The following DCC variants were observed in gnomAD, a reference collection of about 807,000 sequenced individuals.
DCC encodes the protein DCC netrin 1 receptor.
In DCC, 58 loss-of-function variants were observed where a neutral mutation model predicts 172.5. That is an observed-to-expected ratio of 0.34 (90% CI 0.27 to 0.42). The LOEUF (loss-of-function observed/expected upper bound fraction) is 0.42. Among genes scored for constraint, DCC ranks in the 10% least tolerant of loss-of-function variants. The pLI, the probability that DCC is intolerant of heterozygous loss-of-function variation, is 1.00. For missense variants in DCC, 1,740 were observed against 1,791.0 expected (o/e 0.97, Z 0.51); for synonymous variants, 709 against 644.5 (o/e 1.10, Z -1.52).
At chr18:53,028,471 G>A (rs1032963288) in intron 5 of DCC, among the ~76,000 whole-genome samples, 16 of 151,912 alleles carry the variant, frequency 1.1e-4, no homozygotes, top group East Asian at 3.9e-4. Flanking sequence ...AATTACATAC[G>A]CATAATATTC....
intron 1 of DCC, among the ~76,000 whole-genome samples, chr18:52,379,822 C>T (rs933953095): frequency 2.0e-4 from 30 of 152,204 alleles, no homozygotes; most frequent in African/African-American, 6.3e-4. Context: ...TGTCTCTTAC[C>T]CTTGACTTGA....
rs139533308 is a variant in DCC, at chr18:52,835,660, TCA to T, written c.413-70383_413-70382del. On this transcript the variant is annotated intron_variant, in intron 2 of 28. Transcript: ENST00000442544. ...AGAGTAAATTCACTTAAAATAACTC[TCA>T]GTTTGTATAGAGATATCTATATATC... Among the ~76,000 whole-genome samples, 556 of 152,338 alleles carry T rather than the reference TCA, an allele frequency of 3.6e-3. 1 individual carries two copies. Among genetic ancestry groups the T allele is most frequent in the African/African-American group, 0.012 (508 of 41,582 alleles).
At chr18:53,165,178 G>C (rs1449380281) in intron 8 of DCC, among the ~76,000 whole-genome samples, 1 of 152,076 alleles carries the variant, frequency 6.6e-6, no homozygotes, top group Non-Finnish European at 1.5e-5. Context: ...AGCAGAGAAG[G>C]CTCCAAGATA....
At chr18:53,399,510 C>T (rs1373560579) in intron 18 of DCC, among the ~76,000 whole-genome samples, 1 of 152,014 alleles carries the variant, frequency 6.6e-6, no homozygotes, top group Non-Finnish European at 1.5e-5. Context: ...AACAAATGCC[C>T]AATACAATTC....
At chr18:52,866,479 G>T (rs2039231082) in intron 2 of DCC, among the ~76,000 whole-genome samples, 1 of 152,144 alleles carries the variant, frequency 6.6e-6, no homozygotes, top group African/African-American at 2.4e-5. Flanking sequence ...ATTACTTTGG[G>T]CAGTATGGCC....
intron 22 of DCC, among the ~76,000 whole-genome samples, chr18:53,436,109 C>T (rs1911922277): frequency 6.6e-6 from 1 of 152,172 alleles, no homozygotes; most frequent in African/African-American, 2.4e-5. Context: ...CTTCTTAACA[C>T]TGTTCCTCAC....
chr18:52,960,887 T>C (rs767620570), intron 5 of DCC, among the ~76,000 whole-genome samples: 5 of 152,142 alleles, frequency 3.3e-5, no homozygotes, highest in Non-Finnish European at 5.9e-5. Context: ...AGTGATATTA[T>C]TTTATATTTA....
intron 9 of DCC, among the ~76,000 whole-genome samples, chr18:53,180,491 T>G (rs922365992): frequency 7.9e-5 from 12 of 152,232 alleles, no homozygotes; most frequent in Middle Eastern, 3.4e-3. Flanking sequence ...ATTAAGATTA[T>G]GGGATGGCTA....
intron 1 of DCC, among the ~76,000 whole-genome samples, chr18:52,614,559 A>G (rs1221889): frequency 0.87 from 132,408 of 152,156 alleles, 58,461 homozygotes; most frequent in Middle Eastern, 0.96. Context: ...TACGCATTTT[A>G]TCATGCACCT....
intron 1 of DCC, among the ~76,000 whole-genome samples, chr18:52,477,444 T>C (rs1007311749): frequency 6.6e-6 from 1 of 152,042 alleles, no homozygotes; most frequent in African/African-American, 2.4e-5. Context: ...AGTGTGAAAA[T>C]TGTCGGAATC....
chr18:52,392,913 TA>T (rs1986084314), intron 1 of DCC, among the ~76,000 whole-genome samples: 1 of 152,126 alleles, frequency 6.6e-6, no homozygotes, highest in Non-Finnish European at 1.5e-5. Context: ...AATATAATGT[TA>T]TGTCCCTTTA....
chr18:53,026,348 G>A (rs1298341705), intron 5 of DCC, among the ~76,000 whole-genome samples: 4 of 151,888 alleles, frequency 2.6e-5, no homozygotes, highest in African/African-American at 9.7e-5. Context: ...TTTCCTCCAA[G>A]TCTTTTTAGC....
chr18:53,316,582 A>G (rs898013998), intron 13 of DCC, among the ~76,000 whole-genome samples: 1 of 152,104 alleles, frequency 6.6e-6, no homozygotes, highest in African/African-American at 2.4e-5. Flanking sequence ...GATTCTTCCT[A>G]TCCATGAGCA....
At chr18:52,381,576 TC>T (rs1272808207) in intron 1 of DCC, among the ~76,000 whole-genome samples, 4 of 152,046 alleles carry the variant, frequency 2.6e-5, no homozygotes. Context: ...TATACCCTAG[TC>T]CTGCCCTTGA....
intron 12 of DCC, among the ~76,000 whole-genome samples, chr18:53,304,640 T>C (rs1005168605): frequency 1.3e-5 from 2 of 152,210 alleles, no homozygotes; most frequent in African/African-American, 4.8e-5. Context: ...CTGGTTTTAC[T>C]GGGTATAGGT....
At position 53,257,641 on chromosome 18, in the gene DCC, T is replaced by A. The variant is rs532738448; in HGVS notation, c.1911+42044T>A. 5.9e-5 allele frequency among the ~76,000 whole-genome samples: 9 copies of A among 152,154 alleles called. No individual in the cohort carries two copies. The East Asian group carries it at 9.7e-4, about 16-fold the overall frequency. On this transcript the variant is annotated intron_variant, in intron 12 of 28. Transcript: ENST00000442544. ...GTATTTTATTGAGGATTTTTGCAGATGTTCATCAGGGATATTGGTCTAGAA... is the reference window on the plus strand; with the variant it reads ...GTATTTTATTGAGGATTTTTGCAGAAGTTCATCAGGGATATTGGTCTAGAA...
chr18:53,470,886 T>C (rs1166570684), intron 25 of DCC, among the ~76,000 whole-genome samples: 18 of 152,174 alleles, frequency 1.2e-4, no homozygotes, highest in Admixed American at 1.2e-3. Context: ...CAATTCGAGA[T>C]GAGATTTGGG....
intron 1 of DCC, among the ~76,000 whole-genome samples, chr18:52,477,218 C>T (rs1264679365): frequency 3.3e-5 from 5 of 152,116 alleles, no homozygotes; most frequent in Non-Finnish European, 7.3e-5. Context: ...ATGGACTTGA[C>T]TGTGGGATCA....
At chr18:53,325,166 CTG>C (rs2057452999) in intron 14 of DCC, among the ~76,000 whole-genome samples, 1 of 130,900 alleles carries the variant, frequency 7.6e-6, no homozygotes, top group Admixed American at 9.0e-5. Flanking sequence ...GCACTCCAGC[CTG>C]TGAGACAGAG....
Sources: gnomAD v4.1 joint callset for allele counts (sites outside exome capture counted in the v4.1 genomes callset) on GRCh38, gnomAD v4.1.1 for gene constraint, MANE v1.5 for transcripts, NCBI Gene and HGNC (gene_info 2026-07-23, HGNC 2026-07-21) for gene names.